The following ACER3 variants were observed in gnomAD, a reference collection of about 807,000 sequenced individuals.
ACER3 encodes alkaline ceramidase 3, also known as alkCDase 3.
ACER3 carries 16 observed loss-of-function variants against 48.9 expected under a neutral mutation model. The observed-to-expected ratio is 0.33, with a 90% confidence interval of 0.22 to 0.50. The LOEUF (loss-of-function observed/expected upper bound fraction) is 0.50, where lower values mean the gene tolerates loss of function less well. Among genes scored for constraint, ACER3 ranks in the 20% least tolerant of loss-of-function variants. The pLI is 0.98. For synonymous variants in ACER3, 109 were observed against 107.8 expected (o/e 1.01, Z -0.07); for missense variants, 227 against 326.0 (o/e 0.70, Z 2.34).
At chr11:76,861,638 CT>C (rs1238402809) in intron 1 of ACER3, among the ~76,000 whole-genome samples, 1 of 152,214 alleles carries the variant, frequency 6.6e-6, no homozygotes, top group Admixed American at 6.5e-5. Flanking sequence ...CATCCCACCC[CT>C]ATCCCCCAGG....
intron 1 of ACER3, among the ~76,000 whole-genome samples, chr11:76,914,501 T>C (rs542504918): frequency 6.6e-6 from 1 of 152,170 alleles, no homozygotes; most frequent in African/African-American, 2.4e-5. Flanking sequence ...TGAGATACCA[T>C]CTCACACCAG....
chr11:76,962,837 GA>G (rs1405418237), intron 3 of ACER3, among the ~76,000 whole-genome samples: 3 of 151,390 alleles, frequency 2.0e-5, no homozygotes, highest in Admixed American at 6.6e-5. Flanking sequence ...AAAATTCCTG[GA>G]AAAAGGTAGA....
chr11:76,987,537 G>T (rs551421491), intron 5 of ACER3, among the ~76,000 whole-genome samples: 1 of 152,260 alleles, frequency 6.6e-6, no homozygotes, highest in South Asian at 2.1e-4. Context: ...TACATCTGAG[G>T]CTTTACAGTT....
chr11:76,888,576 T>C (rs1396077637), intron 1 of ACER3, among the ~76,000 whole-genome samples: 1 of 152,106 alleles, frequency 6.6e-6, no homozygotes, highest in East Asian at 1.9e-4. Flanking sequence ...CAGTTTTCTG[T>C]GGTTATAGGA....
intron 2 of ACER3, among the ~76,000 whole-genome samples, chr11:76,931,872 A>T (rs575810381): frequency 2.8e-4 from 43 of 151,858 alleles, no homozygotes; most frequent in East Asian, 1.4e-3. Flanking sequence ...TGGGTAACCC[A>T]TCCTTTCTCT....
intron 7 of ACER3, among the ~76,000 whole-genome samples, chr11:77,010,779 A>T (rs1284899219): frequency 6.6e-6 from 1 of 152,224 alleles, no homozygotes; most frequent in Non-Finnish European, 1.5e-5. Context: ...AGGAATCAGA[A>T]TGGCTTTGGG....
intron 6 of ACER3, among the ~76,000 whole-genome samples, chr11:76,991,696 A>C (rs1948805397): frequency 6.6e-6 from 1 of 151,560 alleles, no homozygotes; most frequent in African/African-American, 2.4e-5. Flanking sequence ...TGCACCTGTA[A>C]TCCCAACTAC....
intron 1 of ACER3, among the ~76,000 whole-genome samples, chr11:76,908,200 C>T (rs1272839692): frequency 6.6e-6 from 1 of 152,204 alleles, no homozygotes; most frequent in East Asian, 1.9e-4. Flanking sequence ...CGTGCCACTG[C>T]ACTCTAGCCT....
chr11:76,992,469 A>G (rs898913573), intron 6 of ACER3, among the ~76,000 whole-genome samples: 3 of 152,270 alleles, frequency 2.0e-5, no homozygotes, highest in Admixed American at 2.0e-4. Context: ...TTTTTCCACT[A>G]ATGAAGATTT....
chr11:76,930,171 G>A (rs1413333179), intron 2 of ACER3, among the ~76,000 whole-genome samples: 4 of 152,104 alleles, frequency 2.6e-5, no homozygotes, highest in Non-Finnish European at 2.9e-5. Flanking sequence ...CAGGGATTCA[G>A]GTTCTTCCTG....
At chr11:76,992,421 C>T (rs1267876415) in intron 6 of ACER3, among the ~76,000 whole-genome samples, 1 of 152,142 alleles carries the variant, frequency 6.6e-6, no homozygotes, top group African/African-American at 2.4e-5. Flanking sequence ...TAAAAAACAA[C>T]TCTTACTAAG....
chr11:76,886,866 C>T (rs1412110718), intron 1 of ACER3, among the ~76,000 whole-genome samples: 8 of 152,040 alleles, frequency 5.3e-5, no homozygotes, highest in South Asian at 2.1e-4. Context: ...TTTGTAGAGA[C>T]GGGGTTTTGG....
chr11:76,998,895 C>A, intron 7 of ACER3, 74 bp downstream of exon 7: 2 of 1,153,008 alleles, frequency 1.7e-6, no homozygotes, highest in South Asian at 1.6e-5. Flanking sequence ...TAGCCTAAAT[C>A]AAAATAACAC....
chr11:76,957,739 G>A (rs1448437690), intron 2 of ACER3, among the ~76,000 whole-genome samples: 1 of 151,678 alleles, frequency 6.6e-6, no homozygotes, highest in East Asian at 1.9e-4. Context: ...CACCGGGCTG[G>A]GCCTGAAGTT....
chr11:77,019,876 A>G, intron 10 of ACER3, 100 bp downstream of exon 10: 1 of 1,231,790 alleles, frequency 8.1e-7, no homozygotes, highest in Non-Finnish European at 1.2e-6. Context: ...GAGGTAGTGG[A>G]GCAAACACAG....
intron 2 of ACER3, among the ~76,000 whole-genome samples, chr11:76,934,228 C>A (rs1234226313): frequency 6.6e-6 from 1 of 151,510 alleles, no homozygotes; most frequent in Non-Finnish European, 1.5e-5. Flanking sequence ...AGAGGGGCTC[C>A]TCACGTCCTA....
In ACER3 at chr11:76,963,901, G is replaced by A. The variant is rs554188873; in HGVS notation, c.267+4870G>A. On this transcript the variant is annotated intron_variant, in intron 3 of 10. Transcript: ENST00000532485. ...TCTCGGCGTTAGCGACACAGAAGAC[G>A]GGTGACTTCTGCATTTCCAACTGAG... Among the ~76,000 whole-genome samples the A allele has an allele frequency of 2.8e-4, 43 of 151,516 alleles. 3 individuals carry two copies. The highest frequency in any genetic ancestry group is 1.1e-3 in the African/African-American group (43 of 40,804).
chr11:76,992,971 C>T lies in ACER3; in HGVS notation c.438+2397C>T, dbSNP rs1243017653. 2.6e-5 allele frequency among the ~76,000 whole-genome samples: 4 copies of T among 152,116 alleles called. No homozygotes were observed. In the East Asian group the frequency reaches 7.7e-4, roughly 29 times the overall value. On this transcript the variant is annotated intron_variant, in intron 6 of 10. Transcript: ENST00000532485. ...ACAGCCTTGACCTCCTGGGCTCAAG[C>T]AGTCCTCCCACCTCAGCCTCCCAAG...
intron 3 of ACER3, among the ~76,000 whole-genome samples, chr11:76,959,737 A>G (rs1365211321): frequency 6.6e-6 from 1 of 151,828 alleles, no homozygotes; most frequent in Non-Finnish European, 1.5e-5. Context: ...TATTTTTAGT[A>G]GAGACGGGGT....
Sources: gnomAD v4.1 joint callset for allele counts (sites outside exome capture counted in the v4.1 genomes callset) on GRCh38, gnomAD v4.1.1 for gene constraint, MANE v1.5 for transcripts, NCBI Gene and HGNC (gene_info 2026-07-23, HGNC 2026-07-21) for gene names.